Variants in CAPN2 observed in about 807,000 individuals in gnomAD.
CAPN2 encodes the protein calpain-2 catalytic subunit.
Under a neutral mutation model 102.3 loss-of-function variants are expected in CAPN2, and 92 were observed. The observed-to-expected ratio is 0.90, with a 90% CI of 0.76 to 1.07. The LOEUF (loss-of-function observed/expected upper bound fraction) is 1.07. Ranked by LOEUF, CAPN2 falls within the 50% of genes least tolerant of loss-of-function variation. The probability of loss-of-function intolerance (pLI) is 0.00; values close to 1 mark genes in which losing one functional copy is unlikely to be tolerated. For missense variants in CAPN2, 800 were observed against 909.4 expected (o/e 0.88, Z 1.55); for synonymous variants, 340 against 355.4 (o/e 0.96, Z 0.49).
At chr1:223,715,609 GT>G (rs1432327211) in intron 1 of CAPN2, among the ~76,000 whole-genome samples, 1 of 152,150 alleles carries the variant, frequency 6.6e-6, no homozygotes, top group Non-Finnish European at 1.5e-5. Context: ...GATTAAAGCA[GT>G]AAGTCCAGTG....
At chr1:223,770,330 G>A (rs1462822753) in intron 17 of CAPN2, 117 bp from the exon 18 acceptor site, 7 of 659,568 alleles carry the variant, frequency 1.1e-5, no homozygotes, top group South Asian at 5.6e-5. Context: ...ATTCTTCCAC[G>A]GCCAAACTAG....
chr1:223,766,507 G>GC, intron 16 of CAPN2, 76 bp downstream of exon 16: 2 of 1,158,400 alleles, frequency 1.7e-6, no homozygotes, highest in Non-Finnish European at 1.3e-6. Flanking sequence ...CAAACACATG[G>GC]CCTTCTCCCT....
chr1:223,745,699 C>A (rs1186829663), intron 4 of CAPN2, among the ~76,000 whole-genome samples: 1 of 152,204 alleles, frequency 6.6e-6, no homozygotes, highest in African/African-American at 2.4e-5. Context: ...AAATTAGGCT[C>A]TAAATGCAAG....
chr1:223,770,102 G>C, intron 17 of CAPN2, 193 bp downstream of exon 17: 2 of 612,180 alleles, frequency 3.3e-6, no homozygotes, highest in South Asian at 3.9e-5. Context: ...CTTCGCAGGT[G>C]AAATGGCCTA....
intron 2 of CAPN2, among the ~76,000 whole-genome samples, chr1:223,721,897 G>T (rs956060587): frequency 1.3e-5 from 2 of 152,176 alleles, no homozygotes; most frequent in Non-Finnish European, 2.9e-5. Context: ...AACACACTTG[G>T]CACACTATAG....
chr1:223,737,705 G>GGTC (rs1448412744), intron 2 of CAPN2, among the ~76,000 whole-genome samples: 1 of 24,152 alleles, frequency 4.1e-5, no homozygotes, highest in East Asian at 1.2e-3. Flanking sequence ...AAAGAGACGG[G>GGTC]GCGGGGGGTG....
At chr1:223,747,679 C>T (rs973577751) in intron 5 of CAPN2, among the ~76,000 whole-genome samples, 4 of 152,214 alleles carry the variant, frequency 2.6e-5, no homozygotes, top group East Asian at 1.9e-4. Flanking sequence ...AAGGACCAGA[C>T]GTCATTGTTT....
Position 223,746,886 on chromosome 1 carries a change from G to A in CAPN2, c.561-111G>A. The A allele has an allele frequency of 3.3e-6, 3 of 903,436 alleles. No individual in the cohort carries two copies. In the South Asian group the frequency reaches 8.4e-5, roughly 25 times the overall value. The allele number at this position is 903,436 out of a possible 1,614,324, so 56.0% of individuals were successfully genotyped here. ...GGGAACAAGGCCAAGGAGAATGTGA[G>A]CAGGGGGTCCCTGGAGCATCAAATC... On this transcript the variant is annotated intron_variant, in intron 4 of 20. Coordinates refer to ENST00000295006, the MANE Select transcript of CAPN2 (RefSeq NM_001748.5).
chr1:223,770,011 G>A, intron 17 of CAPN2, 102 bp downstream of exon 17: 2 of 991,146 alleles, frequency 2.0e-6, no homozygotes, highest in Non-Finnish European at 3.1e-6. Flanking sequence ...CATTTCCAAG[G>A]GGATTGGGAT....
chr1:223,751,947 G>A (rs755943619), intron 7 of CAPN2, 50 bp from the exon 8 acceptor site: 8 of 1,273,446 alleles, frequency 6.3e-6, no homozygotes, highest in Non-Finnish European at 7.9e-6. Flanking sequence ...TGGGGCCTTT[G>A]GGGAGAAATC....
chr1:223,766,488 A>G (rs1661335004), intron 16 of CAPN2, 57 bp downstream of exon 16: 1 of 1,332,236 alleles, frequency 7.5e-7, no homozygotes, highest in Non-Finnish European at 1.1e-6. Context: ...ATCTCACTCC[A>G]GAAAGATTCA....
Position 223,774,996 on chromosome 1 carries a change from T to C in CAPN2, c.*139T>C. On this transcript the variant is annotated 3_prime_UTR_variant, in exon 21 of 21. Coordinates refer to ENST00000295006, the MANE Select transcript of CAPN2 (RefSeq NM_001748.5). Reference sequence around the variant, plus strand: ...AACGGATGATCATAGCTGAAAATAATGATACTGTCAATTTGAGATAGCAGA... The same window carrying C: ...AACGGATGATCATAGCTGAAAATAACGATACTGTCAATTTGAGATAGCAGA... The C allele has an allele frequency of 1.4e-6, 1 of 727,922 alleles. No homozygotes were observed. The highest frequency in any genetic ancestry group is 1.6e-5 in the South Asian group (1 of 61,780). 45.1% of individuals were successfully genotyped at this position (727,922 alleles called of 1,614,324 possible).
Position 223,759,413 on chromosome 1 carries a change from C to A in CAPN2, c.1461C>A (p.Ser487=). 1.2e-6 allele frequency: 2 copies of A among 1,614,200 alleles called. No individual in the cohort carries two copies. Among genetic ancestry groups the A allele is most frequent in the Non-Finnish European group, 1.7e-6 (2 of 1,180,048 alleles). Residue 487 remains serine (S), a synonymous_variant, in exon 12 of 21, where the codon TCC becomes TCA. Transcript: ENST00000295006. This position sits in a 1 kb window ranked among gnomAD's most constrained non-coding sequence, Gnocchi z 4.6. The part of the protein sequence containing the change: ...LPPGEYILVP[S]TFEPNKDGDF... ...CAGGAGAGTACATTCTCGTGCCTTC[C>A]ACCTTCGAACCCAACAAGGATGGGG...
In CAPN2 at chr1:223,754,132, G is replaced by A. The variant is rs1660971794; in HGVS notation, c.1135+1176G>A. 6.6e-6 allele frequency among the ~76,000 whole-genome samples: 1 copy of A among 152,240 alleles called. No homozygotes were observed. Among genetic ancestry groups the A allele is most frequent in the Non-Finnish European group, 1.5e-5 (1 of 68,052 alleles). Reference sequence around the variant, plus strand: ...CAGGCCCCCTGACTGAGGAGTCACTGTGTAAGTACAGTGGCAGCAGATCAT... The same window carrying A: ...CAGGCCCCCTGACTGAGGAGTCACTATGTAAGTACAGTGGCAGCAGATCAT... On this transcript the variant is annotated intron_variant, in intron 9 of 20. Coordinates refer to ENST00000295006, the MANE Select transcript of CAPN2 (RefSeq NM_001748.5). This position sits in a 1 kb window ranked among gnomAD's most constrained non-coding sequence, Gnocchi z 4.7.
intron 2 of CAPN2, among the ~76,000 whole-genome samples, chr1:223,720,211 C>CTAA (rs1660014322): frequency 6.6e-6 from 1 of 152,098 alleles, no homozygotes; most frequent in East Asian, 1.9e-4. Flanking sequence ...AGTTTGTATT[C>CTAA]AGCTATTCTA....
chr1:223,705,142 A>G (rs72749511), intron 1 of CAPN2, among the ~76,000 whole-genome samples: 8,582 of 152,306 alleles, frequency 0.056, 303 homozygotes, highest in Admixed American at 0.073. Flanking sequence ...AATACTTTCA[A>G]TATCACTCCC....
Position 223,756,222 on chromosome 1 carries a change from T to A in CAPN2, c.1305+573T>A, listed in dbSNP as rs147025452. 1.1e-3 allele frequency among the ~76,000 whole-genome samples: 172 copies of A among 152,288 alleles called. 1 individual carries two copies. Among genetic ancestry groups the A allele is most frequent in the African/African-American group, 3.9e-3 (162 of 41,538 alleles). On this transcript the variant is annotated intron_variant, in intron 10 of 20. Transcript: ENST00000295006. This position sits in a 1 kb window ranked among gnomAD's most constrained non-coding sequence, Gnocchi z 4.1. ...AGAGGGCAGCCGCATTGCAGTCTCC[T>A]CTCCGCCCTCAGGCTGGGGCTGGGG...
Position 223,775,069 on chromosome 1 carries a change from C to T in CAPN2, c.*212C>T. ...GATTTGCATATCATTATACTAAATGCAAATGAGTCGCTTAACCCTTGACAA... is the reference window on the plus strand; with the variant it reads ...GATTTGCATATCATTATACTAAATGTAAATGAGTCGCTTAACCCTTGACAA... On this transcript the variant is annotated 3_prime_UTR_variant, in exon 21 of 21. Transcript: ENST00000295006. 1 of 572,566 alleles carries T rather than the reference C, an allele frequency of 1.7e-6. No homozygotes were observed. The highest frequency in any genetic ancestry group is 3.1e-6 in the Non-Finnish European group (1 of 324,850). The allele number at this position is 572,566 out of a possible 1,614,324, so 35.5% of individuals were successfully genotyped here.
At chr1:223,744,728 G>A (rs955674430) in intron 3 of CAPN2, among the ~76,000 whole-genome samples, 13 of 152,118 alleles carry the variant, frequency 8.5e-5, no homozygotes, top group Non-Finnish European at 1.5e-4. Flanking sequence ...GGGCGTAGTA[G>A]TGCAGGCCTG....
Sources: allele counts gnomAD v4.1 joint callset (sites outside exome capture counted in the v4.1 genomes callset), GRCh38; gene constraint gnomAD v4.1.1; non-coding constraint Gnocchi (gnomAD v3.1); transcripts MANE v1.5; gene names NCBI Gene and HGNC (gene_info 2026-07-23, HGNC 2026-07-21).